Variants in MACROD2 observed in about 807,000 individuals in gnomAD.
MACROD2 encodes the protein mono-ADP ribosylhydrolase 2, also known as ADP-ribose glycohydrolase MACROD2.
A neutral mutation model predicts 70.4 loss-of-function variants in MACROD2; 36 were observed. The ratio of observed to expected loss-of-function variants is 0.51; its 90% CI spans 0.39 to 0.68. MACROD2 has a LOEUF of 0.68. Among genes scored for constraint, MACROD2 ranks in the 30% least tolerant of loss-of-function variants. The pLI, the probability that MACROD2 is intolerant of heterozygous loss-of-function variation, is 0.00. For synonymous variants in MACROD2, 172 were observed against 178.8 expected, an observed-to-expected ratio of 0.96 and a Z score of 0.30; for missense variants, 496 against 538.4, an observed-to-expected ratio of 0.92 and a Z score of 0.78.
intron 8 of MACROD2, among the ~76,000 whole-genome samples, chr20:15,815,991 T>C (rs2063870024): frequency 6.6e-6 from 1 of 152,100 alleles, no homozygotes; most frequent in Non-Finnish European, 1.5e-5. Context: ...AAAGCTATCT[T>C]TCCTTCCCCA....
intron 13 of MACROD2, among the ~76,000 whole-genome samples, chr20:15,982,030 T>C (rs1331207113): frequency 6.6e-6 from 1 of 152,170 alleles, no homozygotes; most frequent in Non-Finnish European, 1.5e-5. Context: ...CATCTTATTC[T>C]ATGCTGCTTA....
At chr20:14,811,106 A>G (rs1214398674) in intron 5 of MACROD2, among the ~76,000 whole-genome samples, 2 of 152,024 alleles carry the variant, frequency 1.3e-5, no homozygotes, top group Non-Finnish European at 2.9e-5. Context: ...TCATATGGAA[A>G]CAAAAAAGAG....
chr20:15,865,528 T>C (rs2147169202), intron 9 of MACROD2, among the ~76,000 whole-genome samples: 1 of 152,298 alleles, frequency 6.6e-6, no homozygotes, highest in East Asian at 1.9e-4. Flanking sequence ...AACCCTGTGC[T>C]GTGGTTCCAT....
chr20:15,692,537 A>C (rs1218275745), intron 8 of MACROD2, among the ~76,000 whole-genome samples: 3 of 152,142 alleles, frequency 2.0e-5, no homozygotes, highest in Non-Finnish European at 4.4e-5. Context: ...TCAAGAGCAG[A>C]GGTCCCAAAT....
At chr20:14,364,552 A>T (rs77800556) in intron 3 of MACROD2, among the ~76,000 whole-genome samples, 3,187 of 152,234 alleles carry the variant, frequency 0.021, 107 homozygotes, top group African/African-American at 0.074. Flanking sequence ...AAATATTTTC[A>T]TCACCTCAAA....
chr20:15,788,721 T>C (rs2051972326), intron 8 of MACROD2, among the ~76,000 whole-genome samples: 1 of 152,198 alleles, frequency 6.6e-6, no homozygotes, highest in African/African-American at 2.4e-5. Context: ...TTTTAATAGG[T>C]ATGCAGTCAT....
At chr20:14,255,460 T>C (rs1168936713) in intron 3 of MACROD2, among the ~76,000 whole-genome samples, 3 of 149,632 alleles carry the variant, frequency 2.0e-5, no homozygotes, top group Non-Finnish European at 4.4e-5. Flanking sequence ...CCGCATGTTC[T>C]CACTCATAGG....
At chr20:14,418,457 G>T (rs961437663) in intron 3 of MACROD2, among the ~76,000 whole-genome samples, 39 of 152,138 alleles carry the variant, frequency 2.6e-4, no homozygotes, top group African/African-American at 9.2e-4. Context: ...GAATCTTCCA[G>T]TTGAAAAGGT....
chr20:14,260,763 C>T (rs566596393), intron 3 of MACROD2, among the ~76,000 whole-genome samples: 10 of 152,204 alleles, frequency 6.6e-5, no homozygotes, highest in African/African-American at 2.2e-4. Flanking sequence ...TTTAATAATC[C>T]CTATCTTATA....
chr20:15,906,332 CTTATT>C (rs2147255691), intron 10 of MACROD2, among the ~76,000 whole-genome samples: 1 of 152,320 alleles, frequency 6.6e-6, no homozygotes, highest in Admixed American at 6.5e-5. Context: ...GCCTTTGTTT[CTTATT>C]TTAAACAATC....
At chr20:15,100,869 C>T (rs1328760746) in intron 5 of MACROD2, among the ~76,000 whole-genome samples, 1 of 152,012 alleles carries the variant, frequency 6.6e-6, no homozygotes, top group Non-Finnish European at 1.5e-5. Flanking sequence ...CTGACTTTCC[C>T]TTAGGCCTCT....
intron 7 of MACROD2, among the ~76,000 whole-genome samples, chr20:15,441,956 C>A (rs1419796926): frequency 6.6e-6 from 1 of 152,140 alleles, no homozygotes; most frequent in East Asian, 1.9e-4. Context: ...AAAATAGGAG[C>A]ACTATTAAGA....
chr20:14,830,609 C>A (rs1442483643), intron 5 of MACROD2, among the ~76,000 whole-genome samples: 2 of 152,010 alleles, frequency 1.3e-5, no homozygotes, highest in African/African-American at 4.8e-5. Flanking sequence ...ACTGAATACC[C>A]AACATGCAGA....
chr20:15,807,225 CCAGGAGTCT>C, intron 8 of MACROD2, among the ~76,000 whole-genome samples: 1 of 152,236 alleles, frequency 6.6e-6, no homozygotes, highest in Middle Eastern at 3.4e-3. Flanking sequence ...GACATAGGTC[CCAGGAGTCT>C]TAGGTAGAGC....
intron 5 of MACROD2, among the ~76,000 whole-genome samples, chr20:14,902,456 T>C (rs888856866): frequency 1.4e-4 from 21 of 152,180 alleles, no homozygotes; most frequent in African/African-American, 5.1e-4. Flanking sequence ...TCTGTGCTCT[T>C]TTAAAATAAT....
chr20:15,745,540 C>A (rs895310125), intron 8 of MACROD2, among the ~76,000 whole-genome samples: 3 of 152,116 alleles, frequency 2.0e-5, no homozygotes, highest in Admixed American at 2.0e-4. Flanking sequence ...TTGTAAAAGT[C>A]TTCAGTGATT....
intron 5 of MACROD2, among the ~76,000 whole-genome samples, chr20:14,911,530 C>G (rs1198732413): frequency 6.6e-6 from 1 of 151,956 alleles, no homozygotes; most frequent in Non-Finnish European, 1.5e-5. Flanking sequence ...GTGCATGCCA[C>G]TATGTTGAGG....
intron 1 of MACROD2, among the ~76,000 whole-genome samples, chr20:13,997,049 T>G (rs2052671180): frequency 1.3e-5 from 2 of 152,148 alleles, no homozygotes. Context: ...TAGGATCGGC[T>G]TCCACAATGC....
chr20:15,537,904 T>C lies in MACROD2; in HGVS notation c.645+38057T>C, dbSNP rs145435877. ...AGAGTTTTGCCTTAGAGTAATTATT[T>C]GATTAATGCCTGTCTCCCAACATAG... On this transcript the variant is annotated intron_variant, in intron 8 of 17. Coordinates refer to ENST00000684519, the MANE Select transcript of MACROD2 (RefSeq NM_001351661.2). Among the ~76,000 whole-genome samples, 18 of 152,346 alleles carry C rather than the reference T, an allele frequency of 1.2e-4. No homozygotes were observed. The East Asian group carries it at 2.9e-3, about 25-fold the overall frequency.
Sources: allele counts gnomAD v4.1 joint callset (sites outside exome capture counted in the v4.1 genomes callset), GRCh38; gene constraint gnomAD v4.1.1; transcripts MANE v1.5; gene names NCBI Gene and HGNC (gene_info 2026-07-23, HGNC 2026-07-21).